BAZ1A: variants seen among roughly 807,000 people sequenced by gnomAD.
BAZ1A encodes bromodomain adjacent to zinc finger domain protein 1A.
In BAZ1A, 50 loss-of-function variants were observed where a neutral mutation model predicts 185.2. That is an observed-to-expected ratio of 0.27 (90% CI 0.22 to 0.34). The LOEUF is 0.34. BAZ1A is among the 10% of genes least tolerant of loss of function. The pLI, the probability that BAZ1A is intolerant of heterozygous loss-of-function variation, is 1.00. For missense variants in BAZ1A, 1,356 were observed against 1,839.9 expected (o/e 0.74, Z 4.81); for synonymous variants, 571 against 615.6 (o/e 0.93, Z 1.07).
rs566883240 is a variant in BAZ1A, at chr14:34,830,654, G to A, written c.393-4498C>T. Among the ~76,000 whole-genome samples, 10 of 151,672 alleles carry A rather than the reference G, an allele frequency of 6.6e-5. No homozygotes were observed. The South Asian group carries it at 2.1e-3, about 32-fold the overall frequency. On this transcript the variant is annotated intron_variant, in intron 3 of 26. Transcript: ENST00000360310. Reference sequence around the variant, plus strand: ...TTTAAATGGGTGAATTTTATGGTATGTGAAATATATCTCAATAAAGTCATT... The same window carrying A: ...TTTAAATGGGTGAATTTTATGGTATATGAAATATATCTCAATAAAGTCATT...
Position 34,800,055 on chromosome 14 carries a change from G to A in BAZ1A, c.1128+169C>T, listed in dbSNP as rs768815201. On this transcript the variant is annotated intron_variant, in intron 9 of 26. Coordinates refer to ENST00000360310, the MANE Select transcript of BAZ1A (RefSeq NM_013448.3). ...AAGAGGTTTTAAGTGATGCGTAAAG[G>A]CATGTTAAATTTTCCAAAGCAAAAG... 2.2e-4 allele frequency among the ~76,000 whole-genome samples: 33 copies of A among 152,138 alleles called. 1 individual carries two copies. Among genetic ancestry groups the A allele is most frequent in the Non-Finnish European group, 4.4e-4 (30 of 68,032 alleles).
At position 34,875,239 on chromosome 14, in the gene BAZ1A, G is replaced by C. The variant is rs1202939986; in HGVS notation, c.-160C>G. ...GACCGCCTCTCTCCGGCCCCGCCGC[G>C]CCCCTGGCTGCCGCTTCTCCCGCTG... On this transcript the variant is annotated 5_prime_UTR_variant, in exon 1 of 27. Transcript: ENST00000360310. 2.2e-6 allele frequency: 1 copy of C among 453,544 alleles called. No individual in the cohort carries two copies. Among genetic ancestry groups the C allele is most frequent in the African/African-American group, 2.0e-5 (1 of 50,048 alleles). 28.1% of individuals were successfully genotyped at this position (453,544 alleles called of 1,614,324 possible).
intron 4 of BAZ1A, among the ~76,000 whole-genome samples, chr14:34,813,720 A>G (rs1334590359): frequency 6.6e-6 from 1 of 151,622 alleles, no homozygotes; most frequent in Non-Finnish European, 1.5e-5. Context: ...ATAAAAAACA[A>G]ACGAAGCAAC....
At chr14:34,819,270 T>C (rs192187383) in intron 4 of BAZ1A, among the ~76,000 whole-genome samples, 60 of 152,232 alleles carry the variant, frequency 3.9e-4, no homozygotes, top group Non-Finnish European at 1.6e-4. Context: ...ACTGAAGGTC[T>C]TGGAACATAT....
chr14:34,813,399 CAG>C (rs1439742559), intron 4 of BAZ1A, among the ~76,000 whole-genome samples: 1 of 151,868 alleles, frequency 6.6e-6, no homozygotes, highest in Admixed American at 6.6e-5. Flanking sequence ...AAAAAACAAA[CAG>C]GCTGGGCACA....
chr14:34,824,714 T>G (rs2042140950), intron 4 of BAZ1A, among the ~76,000 whole-genome samples: 1 of 151,694 alleles, frequency 6.6e-6, no homozygotes, highest in Admixed American at 6.6e-5. Context: ...ACTAAAAGTT[T>G]CTGAAAGACA....
chr14:34,807,345 G>A, intron 6 of BAZ1A, 106 bp downstream of exon 6: 1 of 739,506 alleles, frequency 1.4e-6, no homozygotes. Flanking sequence ...TTAAAAGAGA[G>A]CAATCTTTAA....
intron 18 of BAZ1A, 140 bp downstream of exon 18, chr14:34,775,779 T>C (rs1282924050): frequency 3.1e-6 from 2 of 652,020 alleles, no homozygotes; most frequent in Non-Finnish European, 5.2e-6. Flanking sequence ...AACTCTAACT[T>C]GCAAACTAAA....
At chr14:34,804,447 AAAT>A (rs1245154014) in intron 6 of BAZ1A, among the ~76,000 whole-genome samples, 3 of 152,220 alleles carry the variant, frequency 2.0e-5, no homozygotes, top group African/African-American at 7.2e-5. Flanking sequence ...ATGTGTGAGA[AAAT>A]AATGACACAA....
chr14:34,792,676 T>C (rs898295686), intron 12 of BAZ1A, 99 bp downstream of exon 12: 10 of 1,334,064 alleles, frequency 7.5e-6, no homozygotes, highest in East Asian at 4.7e-5. Flanking sequence ...AACTATATTT[T>C]ATAAGCATAA....
intron 17 of BAZ1A, among the ~76,000 whole-genome samples, chr14:34,778,706 T>C (rs1879832374): frequency 6.6e-6 from 1 of 152,226 alleles, no homozygotes; most frequent in Admixed American, 6.5e-5. Flanking sequence ...TCTTTAAATT[T>C]CTACTCTATC....
chr14:34,833,370 A>C (rs1182510967), intron 3 of BAZ1A, among the ~76,000 whole-genome samples: 1 of 152,174 alleles, frequency 6.6e-6, no homozygotes, highest in Non-Finnish European at 1.5e-5. Flanking sequence ...TCTACTAAAG[A>C]TACAAAAATT....
At chr14:34,768,668 C>A (rs61981228) in intron 21 of BAZ1A, 85,013 of 377,346 alleles carry the variant, frequency 0.23, 10,560 homozygotes, top group Non-Finnish European at 0.26. Context: ...ACATAAATTT[C>A]TTTAAAAAGT....
intron 4 of BAZ1A, among the ~76,000 whole-genome samples, chr14:34,813,008 A>G (rs2041951024): frequency 6.6e-6 from 1 of 152,176 alleles, no homozygotes; most frequent in Non-Finnish European, 1.5e-5. Context: ...TTCACAACCT[A>G]CGTGGGGCCA....
chr14:34,773,717 G>A lies in BAZ1A; in HGVS notation c.3007C>T (p.Arg1003Ter). The change falls in exon 20 of 27, where the codon CGA becomes TGA. Residue 1003 changes from arginine (R) to a stop codon, truncating the protein, a stop_gained. Coordinates refer to ENST00000360310, the MANE Select transcript of BAZ1A (RefSeq NM_013448.3). LOFTEE classifies it high-confidence loss of function. ...TCTAATGCTGATCTCCAGATATGTC[G>A]ATCTGTAACCTGTAACAAAATTCAA... ...GTLGAIKVTDRHIWRSALESG... is the reference protein window; with the variant it reads ...GTLGAIKVTD 1 of 1,613,052 alleles carries A rather than the reference G, an allele frequency of 6.2e-7. No individual in the cohort carries two copies. The highest frequency in any genetic ancestry group is 8.5e-7 in the Non-Finnish European group (1 of 1,179,782).
chr14:34,766,461 T>C (rs76810354), intron 21 of BAZ1A, among the ~76,000 whole-genome samples: 9,644 of 151,756 alleles, frequency 0.064, 412 homozygotes, highest in Non-Finnish European at 0.099. Context: ...TAGGGTGAGA[T>C]TGACAGGACA....
chr14:34,763,054 C>T (rs1886591675), intron 23 of BAZ1A, among the ~76,000 whole-genome samples: 2 of 152,250 alleles, frequency 1.3e-5, no homozygotes, highest in East Asian at 3.9e-4. Context: ...CGCCAAGAAC[C>T]TCTCTGTTGT....
In BAZ1A at chr14:34,761,872, G is replaced by A. The variant is rs116014422; in HGVS notation, c.4128C>T (p.Asn1376=). The change falls in exon 24 of 27, where the codon AAC becomes AAT. Residue 1376 remains asparagine, a synonymous_variant. Coordinates refer to ENST00000360310, the MANE Select transcript of BAZ1A (RefSeq NM_013448.3). ...NTPENSPNFP[N]FRVIATKSSE... is the part of the protein sequence containing the mutation. ...TTGACTTTGTGGCAATGACTCTGAA[G>A]TTAGGGAAGTTGGGACTATTTTCTG... The A allele has an allele frequency of 3.7e-5, 59 of 1,614,192 alleles. No individual in the cohort carries two copies. In the African/African-American group the frequency reaches 7.3e-4, roughly 20 times the overall value.
At chr14:34,806,591 G>T (rs1373511375) in intron 6 of BAZ1A, among the ~76,000 whole-genome samples, 2 of 151,848 alleles carry the variant, frequency 1.3e-5, no homozygotes, top group Non-Finnish European at 2.9e-5. Context: ...TGAATATTTT[G>T]CATTTTAAAA....
Sources: gnomAD v4.1 joint callset for allele counts (sites outside exome capture counted in the v4.1 genomes callset) on GRCh38, gnomAD v4.1.1 for gene constraint, MANE v1.5 for transcripts, NCBI Gene and HGNC (gene_info 2026-07-23, HGNC 2026-07-21) for gene names.